GLG1: variants seen among roughly 807,000 people sequenced by gnomAD.
GLG1 encodes Golgi apparatus protein 1.
In GLG1, 38 loss-of-function variants were observed where a neutral mutation model predicts 160.5. That is an observed-to-expected ratio of 0.24 (90% CI 0.18 to 0.31). The LOEUF is 0.31. Among genes scored for constraint, GLG1 ranks in the 10% least tolerant of loss-of-function variants. The pLI, the probability that GLG1 is intolerant of heterozygous loss-of-function variation, is 1.00. For missense variants in GLG1, 1,373 were observed against 1,505.2 expected, an observed-to-expected ratio of 0.91 and a Z score of 1.45; for synonymous variants, 644 against 543.4, an observed-to-expected ratio of 1.19 and a Z score of -2.57.
intron 1 of GLG1, among the ~76,000 whole-genome samples, chr16:74,596,160 G>A (rs1399876644): frequency 6.6e-6 from 1 of 152,106 alleles, no homozygotes; most frequent in Non-Finnish European, 1.5e-5. Context: ...CCTTCAAAGT[G>A]TACACATTTT....
intron 19 of GLG1, 29 bp downstream of exon 19, chr16:74,465,647 G>A (rs200695394): frequency 2.7e-5 from 44 of 1,609,038 alleles, no homozygotes; most frequent in Admixed American, 1.0e-4. Flanking sequence ...TTGTTCATCC[G>A]TGCTCGGCCT....
intron 6 of GLG1, 37 bp downstream of exon 6, chr16:74,494,723 C>G: frequency 1.0e-6 from 1 of 981,954 alleles, no homozygotes; most frequent in East Asian, 2.4e-5. Flanking sequence ...TTTTAAAAAA[C>G]AAATAAAACA....
chr16:74,556,297 G>T (rs559844002), intron 1 of GLG1, among the ~76,000 whole-genome samples: 1 of 152,094 alleles, frequency 6.6e-6, no homozygotes, highest in Non-Finnish European at 1.5e-5. Flanking sequence ...ACAGTAAGTA[G>T]CTATTGATTA....
intron 1 of GLG1, among the ~76,000 whole-genome samples, chr16:74,572,529 A>C (rs1302943694): frequency 1.4e-5 from 2 of 142,614 alleles, no homozygotes; most frequent in Admixed American, 7.0e-5. Flanking sequence ...AAAACAAACA[A>C]AAAAAAAAAA....
At chr16:74,531,293 A>G (rs993290776) in intron 2 of GLG1, among the ~76,000 whole-genome samples, 1 of 152,070 alleles carries the variant, frequency 6.6e-6, no homozygotes, top group African/African-American at 2.4e-5. Context: ...TGCCTCTTCT[A>G]AGACCCAGAT....
chr16:74,528,492 T>A (rs952515807), intron 2 of GLG1, among the ~76,000 whole-genome samples: 47 of 152,206 alleles, frequency 3.1e-4, no homozygotes, highest in African/African-American at 1.1e-3. Context: ...GTTTTCTTTT[T>A]ATCTTTTCGT....
intron 1 of GLG1, among the ~76,000 whole-genome samples, chr16:74,544,936 G>T (rs2018004602): frequency 6.6e-6 from 1 of 151,330 alleles, no homozygotes; most frequent in Non-Finnish European, 1.5e-5. Context: ...TGTTAATTCT[G>T]CATTGCCCCA....
intron 22 of GLG1, among the ~76,000 whole-genome samples, chr16:74,460,199 T>C (rs1173166121): frequency 6.6e-6 from 1 of 152,176 alleles, no homozygotes; most frequent in Non-Finnish European, 1.5e-5. Flanking sequence ...TTTTGTACTT[T>C]TAGTAGAGAC....
chr16:74,487,413 C>A (rs1037127782), intron 8 of GLG1, among the ~76,000 whole-genome samples: 1 of 150,650 alleles, frequency 6.6e-6, no homozygotes. Context: ...TATCAGAGAA[C>A]CATAATCAAA....
chr16:74,533,840 G>T (rs1399040005), intron 1 of GLG1, among the ~76,000 whole-genome samples: 1 of 152,136 alleles, frequency 6.6e-6, no homozygotes, highest in East Asian at 1.9e-4. Context: ...TATATAAAGT[G>T]AATTCTGTGT....
At chr16:74,581,677 G>A (rs1397438997) in intron 1 of GLG1, among the ~76,000 whole-genome samples, 2 of 152,012 alleles carry the variant, frequency 1.3e-5, no homozygotes, top group Non-Finnish European at 2.9e-5. Flanking sequence ...TCGGGATGTT[G>A]AGGCAGGCAG....
At chr16:74,460,183 A>T (rs2014732154) in intron 22 of GLG1, among the ~76,000 whole-genome samples, 1 of 152,124 alleles carries the variant, frequency 6.6e-6, no homozygotes, top group Non-Finnish European at 1.5e-5. Flanking sequence ...CACCATGCCC[A>T]GCTAATTTTG....
intron 2 of GLG1, among the ~76,000 whole-genome samples, chr16:74,524,597 T>C (rs953839412): frequency 1.3e-5 from 2 of 152,018 alleles, no homozygotes; most frequent in Non-Finnish European, 2.9e-5. Context: ...ACAGATGACA[T>C]GATATGATGT....
At chr16:74,593,459 A>T (rs1958229665) in intron 1 of GLG1, among the ~76,000 whole-genome samples, 1 of 146,502 alleles carries the variant, frequency 6.8e-6, no homozygotes. Context: ...TTGGAGACAG[A>T]ATTTCACTCT....
chr16:74,456,499 A>G, intron 25 of GLG1, 150 bp downstream of exon 25: 1 of 628,184 alleles, frequency 1.6e-6, no homozygotes, highest in Non-Finnish European at 2.8e-6. Flanking sequence ...TAGTCTCACA[A>G]TAAGGACAAG....
chr16:74,470,140 A>G (rs2015144005), intron 15 of GLG1, 67 bp from the exon 16 acceptor site: 7 of 896,786 alleles, frequency 7.8e-6, no homozygotes, highest in Admixed American at 1.7e-5. Flanking sequence ...GGTAGGGCGC[A>G]CTTTTTCATA....
At chr16:74,604,271 T>A (rs1958512485) in intron 1 of GLG1, among the ~76,000 whole-genome samples, 1 of 152,222 alleles carries the variant, frequency 6.6e-6, no homozygotes, top group Non-Finnish European at 1.5e-5. Context: ...TGCCAAGTAC[T>A]ACAGTGAATC....
intron 1 of GLG1, 39 bp from the exon 2 acceptor site, chr16:74,532,192 AAAT>A (rs200740673): frequency 0.36 from 206,440 of 576,812 alleles, 24,575 homozygotes; most frequent in African/African-American, 0.54. Context: ...GTAAAAAAAA[AAAT>A]ATATATATAT....
In GLG1 at chr16:74,453,116, C is replaced by A; in HGVS notation, c.*51G>T. Reference sequence around the variant, plus strand: ...TGAGTGGGGATGCTATACAAGAGGGCTGTACAAACTGGGCACTGGATAGGT... The same window carrying A: ...TGAGTGGGGATGCTATACAAGAGGGATGTACAAACTGGGCACTGGATAGGT... On this transcript the variant is annotated 3_prime_UTR_variant, in exon 26 of 26. Coordinates refer to ENST00000422840, the MANE Select transcript of GLG1 (RefSeq NM_001145667.2). 1 of 1,594,354 alleles carries A rather than the reference C, an allele frequency of 6.3e-7. No individual in the cohort carries two copies. Among genetic ancestry groups the A allele is most frequent in the South Asian group, 1.1e-5 (1 of 87,194 alleles).
Sources: gnomAD v4.1 joint callset for allele counts (sites outside exome capture counted in the v4.1 genomes callset) on GRCh38, gnomAD v4.1.1 for gene constraint, MANE v1.5 for transcripts, NCBI Gene and HGNC (gene_info 2026-07-23, HGNC 2026-07-21) for gene names.